The following WNT11 variants were observed in gnomAD, a reference collection of about 807,000 sequenced individuals.
WNT11 encodes the protein protein Wnt-11.
Under a neutral mutation model 35.6 loss-of-function variants are expected in WNT11, and 20 were observed. The observed-to-expected ratio is 0.56, with a 90% CI of 0.40 to 0.82. The LOEUF is 0.82. Ranked by LOEUF, WNT11 falls within the 40% of genes least tolerant of loss-of-function variation. The pLI is 0.00. For synonymous variants in WNT11, 200 were observed against 211.9 expected, an observed-to-expected ratio of 0.94 and a Z score of 0.49; for missense variants, 459 against 504.4, an observed-to-expected ratio of 0.91 and a Z score of 0.86.
At chr11:76,200,944 G>A (rs892832775) in intron 1 of WNT11, among the ~76,000 whole-genome samples, 2 of 152,232 alleles carry the variant, frequency 1.3e-5, no homozygotes, top group Non-Finnish European at 2.9e-5. Flanking sequence ...GGGGTGGGAC[G>A]ATGGGGGCTG....
intron 1 of WNT11, among the ~76,000 whole-genome samples, chr11:76,203,856 C>A (rs1400559656): frequency 3.9e-5 from 6 of 152,252 alleles, no homozygotes; most frequent in Non-Finnish European, 8.8e-5. Context: ...CTGAACACTT[C>A]CCTGCTCCCA....
intron 1 of WNT11, among the ~76,000 whole-genome samples, chr11:76,198,259 G>A (rs765325093): frequency 2.6e-5 from 4 of 152,232 alleles, no homozygotes; most frequent in Non-Finnish European, 5.9e-5. Context: ...GACAATGTGT[G>A]TCACACGTTC....
rs1287326998 is a variant in WNT11 at position 76,186,482 on chromosome 11, AC to A, written c.*582del. The stretch of plus-strand genomic sequence containing the variant: ...TTAAAATAGAGATCATTATATATAT[AC>A]ATATATATTTATATATATAAAATAT... On this transcript the variant is annotated 3_prime_UTR_variant, in exon 5 of 5. Coordinates refer to ENST00000322563, the MANE Select transcript of WNT11 (RefSeq NM_004626.3). 6.7e-6 allele frequency: 1 copy of A among 148,998 alleles called. No individual in the cohort carries two copies. Among genetic ancestry groups the A allele is most frequent in the Non-Finnish European group, 1.5e-5 (1 of 67,350 alleles). 9.2% of individuals were successfully genotyped at this position (148,998 alleles called of 1,614,324 possible).
At chr11:76,204,440 G>A (rs1022985748) in intron 1 of WNT11, among the ~76,000 whole-genome samples, 4 of 152,164 alleles carry the variant, frequency 2.6e-5, no homozygotes, top group Admixed American at 6.5e-5. Flanking sequence ...TTCTGCTCGT[G>A]CTGTGCCTCC....
At chr11:76,207,888 C>T (rs1953498098), upstream of WNT11, among the ~76,000 whole-genome samples, 2 of 152,362 alleles carry the variant, frequency 1.3e-5, no homozygotes, top group Middle Eastern at 3.4e-3. Flanking sequence ...CCAAATTTAC[C>T]AACACCTGGC....
upstream of WNT11, among the ~76,000 whole-genome samples, chr11:76,209,700 G>A (rs1953531411): frequency 6.6e-6 from 1 of 152,010 alleles, no homozygotes; most frequent in African/African-American, 2.4e-5. Flanking sequence ...TTTTGGAAGT[G>A]GGAAGGGTGG....
In WNT11 at chr11:76,187,183, C is replaced by T. The variant is rs758816226; in HGVS notation, c.947G>A (p.Arg316His). 8.7e-6 allele frequency: 14 copies of T among 1,610,288 alleles called. No homozygotes were observed. Among genetic ancestry groups the T allele is most frequent in the Admixed American group, 1.7e-5 (1 of 60,024 alleles). The change falls in exon 5 of 5, where the codon CGT (arginine) becomes CAT (histidine). Residue 316 changes from arginine (R) to histidine (H), a missense_variant. Physicochemically the swap from Arg to His is conservative, Grantham distance 29. Coordinates refer to ENST00000322563, the MANE Select transcript of WNT11 (RefSeq NM_004626.3). ...GCGGTCTGTGTAGGGGTTGTAGCCA[C>T]GCCCGCAGCACATAAGGTCGCAGCT... Reference protein sequence around the residue: ...SDSCDLMCCGRGYNPYTDRVV... With the variant: ...SDSCDLMCCGHGYNPYTDRVV...
chr11:76,208,715 G>C (rs1953511640), upstream of WNT11, among the ~76,000 whole-genome samples: 1 of 152,142 alleles, frequency 6.6e-6, no homozygotes, highest in Admixed American at 6.5e-5. Flanking sequence ...GTCGCACAGC[G>C]GACGGGGACC....
intron 1 of WNT11, among the ~76,000 whole-genome samples, chr11:76,204,351 G>A (rs1416585116): frequency 3.9e-5 from 6 of 152,188 alleles, no homozygotes; most frequent in Admixed American, 2.6e-4. Flanking sequence ...TCGGAGCAGC[G>A]TCTGGGGCAC....
At chr11:76,207,266 G>A (rs1032045181), upstream of WNT11, among the ~76,000 whole-genome samples, 1 of 152,240 alleles carries the variant, frequency 6.6e-6, no homozygotes, top group Non-Finnish European at 1.5e-5. Context: ...GGGAGGCTGA[G>A]GCAGGAGAAC....
chr11:76,208,026 G>C (rs76863075), upstream of WNT11, among the ~76,000 whole-genome samples: 1,411 of 152,316 alleles, frequency 9.3e-3, 17 homozygotes, highest in African/African-American at 0.033. Flanking sequence ...CGCTGGAGCA[G>C]AAAAGGGACG....
intron 1 of WNT11, among the ~76,000 whole-genome samples, chr11:76,204,545 A>T (rs1226655994): frequency 6.6e-6 from 1 of 152,114 alleles, no homozygotes; most frequent in East Asian, 1.9e-4. Context: ...GATAGAACTG[A>T]TCACTCCTCC....
At chr11:76,202,463 G>A (rs191504862) in intron 1 of WNT11, among the ~76,000 whole-genome samples, 2 of 152,216 alleles carry the variant, frequency 1.3e-5, no homozygotes, top group Non-Finnish European at 2.9e-5. Flanking sequence ...GGGCTTTCCT[G>A]GGCCCCACCT....
At chr11:76,205,384 G>T (rs980272454) in intron 1 of WNT11, among the ~76,000 whole-genome samples, 3 of 151,704 alleles carry the variant, frequency 2.0e-5, no homozygotes, top group African/African-American at 7.3e-5. Flanking sequence ...CTCTCAGGGA[G>T]CCCCTCTGCC....
rs1163366587 is a variant in WNT11, at chr11:76,206,308, G to T, written c.83+17C>A. On this transcript the variant is annotated intron_variant, in intron 1 of 4. Transcript: ENST00000322563. ...CAGTCCCTGGCCTGTGCGCGTGGAC[G>T]CGGGGTCCCTACTCACAGCCACTTG... 2 of 1,527,662 alleles carry T rather than the reference G, an allele frequency of 1.3e-6. No homozygotes were observed. The highest frequency in any genetic ancestry group is 8.8e-7 in the Non-Finnish European group (1 of 1,138,260). 94.6% of individuals were successfully genotyped at this position (1,527,662 alleles called of 1,614,324 possible).
chr11:76,194,870 C>G lies in WNT11; in HGVS notation c.320-26G>C. 6.8e-7 allele frequency: 1 copy of G among 1,473,874 alleles called. No homozygotes were observed. The highest frequency in any genetic ancestry group is 8.9e-7 in the Non-Finnish European group (1 of 1,117,786). 91.3% of individuals were successfully genotyped at this position (1,473,874 alleles called of 1,614,324 possible). A position where few individuals can be genotyped will look rare whatever the true frequency, so the allele number is the denominator to read the frequency against. On this transcript the variant is annotated intron_variant, in intron 2 of 4. Transcript: ENST00000322563. This position sits in a 1 kb window ranked among gnomAD's most constrained non-coding sequence, Gnocchi z 5.4. Reference sequence around the variant, plus strand: ...CTGAGGGTGGGAGGGGAAGGTCAGCCGACGCTGATCCAGGGCTAGGACCCT... The same window carrying G: ...CTGAGGGTGGGAGGGGAAGGTCAGCGGACGCTGATCCAGGGCTAGGACCCT...
In WNT11 at chr11:76,187,147, C is replaced by T. The variant is rs559115261; in HGVS notation, c.983G>A (p.Arg328Gln). 27 of 1,612,066 alleles carry T rather than the reference C, an allele frequency of 1.7e-5. No individual in the cohort carries two copies. In the East Asian group the frequency reaches 1.8e-4, roughly 11 times the overall value. ...YNPYTDRVVE[R>Q]CHCKYHWCCY... ...GCACCAGTGGTACTTACAGTGGCAC[C>T]GCTCGACCACGCGGTCTGTGTAGGG... Residue 328 changes from arginine (R) to glutamine (Q), a missense_variant, in exon 5 of 5, where the codon CGG (arginine) becomes CAG (glutamine). By Grantham distance (43) the Arg-to-Gln change is conservative. Transcript: ENST00000322563.
intron 1 of WNT11, among the ~76,000 whole-genome samples, chr11:76,199,773 G>GCATCTCC (rs1565195331): frequency 6.6e-6 from 1 of 152,156 alleles, no homozygotes; most frequent in Non-Finnish European, 1.5e-5. Flanking sequence ...CCTGGCGATA[G>GCATCTCC]AGTGAGGCTC....
chr11:76,201,292 C>T (rs1309633600), intron 1 of WNT11, among the ~76,000 whole-genome samples: 1 of 152,214 alleles, frequency 6.6e-6, no homozygotes, highest in Non-Finnish European at 1.5e-5. Flanking sequence ...GCCATGCGTA[C>T]TAGGGAGGCC....
Sources: allele counts gnomAD v4.1 joint callset (sites outside exome capture counted in the v4.1 genomes callset), GRCh38; gene constraint gnomAD v4.1.1; non-coding constraint Gnocchi (gnomAD v3.1); transcripts MANE v1.5; gene names NCBI Gene and HGNC (gene_info 2026-07-23, HGNC 2026-07-21).